The following ACOT11 variants were observed in gnomAD, a reference collection of about 807,000 sequenced individuals.
ACOT11 encodes acyl-coenzyme A thioesterase 11.
Under a neutral mutation model 77.5 loss-of-function variants are expected in ACOT11, and 69 were observed. That is an observed-to-expected ratio of 0.89 (90% confidence interval 0.73 to 1.09). ACOT11 has a LOEUF of 1.09. ACOT11 is among the 50% of genes least tolerant of loss of function. The pLI is 0.00. For missense variants in ACOT11, 766 were observed against 813.7 expected, an observed-to-expected ratio of 0.94 and a Z score of 0.71; for synonymous variants, 279 against 313.0, an observed-to-expected ratio of 0.89 and a Z score of 1.15.
chr1:54,589,344 A>C (rs1259292552), intron 3 of ACOT11, among the ~76,000 whole-genome samples: 2 of 142,486 alleles, frequency 1.4e-5, no homozygotes, highest in African/African-American at 5.2e-5. Flanking sequence ...TTTTTAGAGA[A>C]GGATTCTTTT....
intron 1 of ACOT11, among the ~76,000 whole-genome samples, chr1:54,568,331 T>C (rs1214065664): frequency 2.0e-5 from 3 of 151,042 alleles, no homozygotes; most frequent in African/African-American, 7.3e-5. Flanking sequence ...GAGAAGACAC[T>C]ATGTCTGTTT....
At position 54,609,335 on chromosome 1, in the gene ACOT11, G is replaced by A; in HGVS notation, c.*223G>A. 2 of 1,614,064 alleles carry A rather than the reference G, an allele frequency of 1.2e-6. No individual in the cohort carries two copies. The highest frequency in any genetic ancestry group is 1.7e-6 in the Non-Finnish European group (2 of 1,179,944). On this transcript the variant is annotated 3_prime_UTR_variant, in exon 16 of 16. Transcript: ENST00000343744. ...CTGGGGTAGCCTGTAGTAGACTCGG[G>A]TCCTGTCCACAGCCCTAGCTGCCAG...
intron 15 of ACOT11, chr1:54,623,627 C>A: frequency 2.1e-6 from 1 of 485,940 alleles, no homozygotes; most frequent in South Asian, 3.0e-5. Flanking sequence ...AACAGGCTAA[C>A]CAGAATATCT....
Position 54,607,842 on chromosome 1 carries a change from G to A in ACOT11, c.1503-100G>A, listed in dbSNP as rs531582247. Reference sequence around the variant, plus strand: ...CTTGCATCCCCCTGGTGAGGAATCTGTGCTAGAGGGGGCAGGGTCTCGGCC... The same window carrying A: ...CTTGCATCCCCCTGGTGAGGAATCTATGCTAGAGGGGGCAGGGTCTCGGCC... On this transcript the variant is annotated intron_variant, in intron 14 of 15. Coordinates refer to ENST00000343744, the MANE Select transcript of ACOT11 (RefSeq NM_147161.4). This position sits in a 1 kb window ranked among gnomAD's most constrained non-coding sequence, Gnocchi z 4.5. 2 of 1,498,432 alleles carry A rather than the reference G, an allele frequency of 1.3e-6. No homozygotes were observed. The highest frequency in any genetic ancestry group is 1.4e-5 in the African/African-American group (1 of 72,126). The allele number at this position is 1,498,432 out of a possible 1,614,324, so 92.8% of individuals were successfully genotyped here. A position where few individuals can be genotyped will look rare whatever the true frequency, so the allele number is the denominator to read the frequency against.
At chr1:54,599,606 C>A in intron 8 of ACOT11, 191 bp downstream of exon 8, 1 of 545,186 alleles carries the variant, frequency 1.8e-6, no homozygotes, top group Non-Finnish European at 2.7e-6. Context: ...CCCTGGCTCC[C>A]AGTCCTGCCC....
At chr1:54,554,333 G>GTATA (rs1553161035) in intron 1 of ACOT11, among the ~76,000 whole-genome samples, 1,728 of 96,266 alleles carry the variant, frequency 0.018, 140 homozygotes, top group African/African-American at 0.069. Flanking sequence ...GTGTGTGTGT[G>GTATA]TATATATATA....
intron 10 of ACOT11, among the ~76,000 whole-genome samples, chr1:54,603,140 T>C (rs531586969): frequency 5.4e-4 from 82 of 152,316 alleles, no homozygotes; most frequent in African/African-American, 1.9e-3. Flanking sequence ...AGTTTGAGAC[T>C]AGCCTGGCCA....
chr1:54,557,391 CAAA>C (rs71045195), intron 1 of ACOT11, among the ~76,000 whole-genome samples: 8 of 98,270 alleles, frequency 8.1e-5, no homozygotes, highest in Admixed American at 1.2e-4. Flanking sequence ...GATTCCATCT[CAAA>C]AAAAAAAAAA....
At chr1:54,629,058 CAAA>C (rs768933265) in intron 15 of ACOT11, among the ~76,000 whole-genome samples, 4 of 36,020 alleles carry the variant, frequency 1.1e-4, no homozygotes, top group East Asian at 8.7e-4. Flanking sequence ...GACTCCGTCT[CAAA>C]AAAAAAAAAA....
At chr1:54,575,444 C>A (rs902083058) in intron 1 of ACOT11, among the ~76,000 whole-genome samples, 1 of 152,066 alleles carries the variant, frequency 6.6e-6, no homozygotes, top group African/African-American at 2.4e-5. Context: ...TTTGGACTGA[C>A]AGTTCTAGAA....
In ACOT11 at chr1:54,607,678, C is replaced by T. The variant is rs146143310; in HGVS notation, c.1503-264C>T. Among the ~76,000 whole-genome samples, 4 of 152,226 alleles carry T rather than the reference C, an allele frequency of 2.6e-5. No homozygotes were observed. The highest frequency in any genetic ancestry group is 9.6e-5 in the African/African-American group (4 of 41,526). ...CAAAGCCCACGAGTCTTCCCCTGAG[C>T]GTTGAAGTGGAGTGGCTTTTCCAGA... is the stretch of plus-strand genomic sequence containing the variant. On this transcript the variant is annotated intron_variant, in intron 14 of 15. Coordinates refer to ENST00000343744, the MANE Select transcript of ACOT11 (RefSeq NM_147161.4). This position sits in a 1 kb window ranked among gnomAD's most constrained non-coding sequence, Gnocchi z 4.5.
At position 54,562,382 on chromosome 1, in the gene ACOT11, T is replaced by C. The variant is rs1374848547; in HGVS notation, c.33+14040T>C. On this transcript the variant is annotated intron_variant, in intron 1 of 15. Transcript: ENST00000343744. ...GGCTGAGGGGCTCCTCACTTCCCAG[T>C]AGGGGCAGCCGGGCAGAGGCGCCCC... 4.7e-5 allele frequency among the ~76,000 whole-genome samples: 3 copies of C among 64,080 alleles called. No individual in the cohort carries two copies. The East Asian group carries it at 1.5e-3, about 33-fold the overall frequency. 42.0% of individuals were successfully genotyped at this position (64,080 alleles called of 152,430 possible).
chr1:54,619,603 G>C (rs561090516), intron 15 of ACOT11, among the ~76,000 whole-genome samples: 1 of 152,190 alleles, frequency 6.6e-6, no homozygotes, highest in Non-Finnish European at 1.5e-5. Context: ...CTGACAGGTC[G>C]AGGAAGGGGT....
intron 1 of ACOT11, among the ~76,000 whole-genome samples, chr1:54,578,443 A>G (rs539364428): frequency 3.3e-5 from 5 of 152,188 alleles, no homozygotes; most frequent in Non-Finnish European, 7.3e-5. Flanking sequence ...CGCCAGCACT[A>G]TGGATAAACC....
At chr1:54,614,167 C>G (rs1350829597), downstream of ACOT11, among the ~76,000 whole-genome samples, 1 of 152,218 alleles carries the variant, frequency 6.6e-6, no homozygotes, top group Non-Finnish European at 1.5e-5. Context: ...CAAAGACATT[C>G]TCTCTCTTTG....
chr1:54,623,836 G>A (rs1000138150), intron 15 of ACOT11, among the ~76,000 whole-genome samples: 4 of 152,200 alleles, frequency 2.6e-5, no homozygotes, highest in East Asian at 3.9e-4. Context: ...ACTAGACTGG[G>A]TGATCCCGAA....
chr1:54,554,351 A>ATATATATATATATATAT (rs1553161034), intron 1 of ACOT11, among the ~76,000 whole-genome samples: 2 of 97,258 alleles, frequency 2.1e-5, no homozygotes, highest in Non-Finnish European at 3.8e-5. Flanking sequence ...ATATATATAT[A>ATATATATATATATATAT]TTTTTTTTTT....
chr1:54,626,362 C>G (rs1644272708), intron 15 of ACOT11, among the ~76,000 whole-genome samples: 1 of 152,182 alleles, frequency 6.6e-6, no homozygotes. Context: ...CAATGTGACT[C>G]CAGGGTTGTC....
chr1:54,587,410 A>C (rs1654542301), intron 3 of ACOT11, among the ~76,000 whole-genome samples: 1 of 151,378 alleles, frequency 6.6e-6, no homozygotes, highest in African/African-American at 2.4e-5. Context: ...GCTACTCGGG[A>C]GGCTGAGGCA....
Sources: allele counts gnomAD v4.1 joint callset (sites outside exome capture counted in the v4.1 genomes callset), GRCh38; gene constraint gnomAD v4.1.1; non-coding constraint Gnocchi (gnomAD v3.1); transcripts MANE v1.5; gene names NCBI Gene and HGNC (gene_info 2026-07-23, HGNC 2026-07-21).